POLN: variants seen among roughly 807,000 people sequenced by gnomAD.
POLN encodes the protein DNA polymerase N.
A neutral mutation model predicts 113.5 loss-of-function variants in POLN; 108 were observed. The observed-to-expected ratio is 0.95, with a 90% CI of 0.81 to 1.12. The LOEUF (loss-of-function observed/expected upper bound fraction) is 1.12, where lower values mean the gene tolerates loss of function less well. POLN is among the 50% of genes most tolerant of loss of function. The pLI is 0.00. For missense variants in POLN, 1,097 were observed against 1,077.1 expected, an observed-to-expected ratio of 1.02 and a Z score of -0.26; for synonymous variants, 386 against 391.5, an observed-to-expected ratio of 0.99 and a Z score of 0.17.
At chr4:2,077,537 G>A (rs2108687471) in intron 23 of POLN, among the ~76,000 whole-genome samples, 1 of 152,380 alleles carries the variant, frequency 6.6e-6, no homozygotes, top group Non-Finnish European at 1.5e-5. Flanking sequence ...GGGCGACAGA[G>A]CCCCAGGCTG....
At chr4:2,240,173 T>G (rs1336625648) in intron 2 of POLN, 2 of 1,613,948 alleles carry the variant, frequency 1.2e-6, no homozygotes, top group Non-Finnish European at 1.7e-6. Flanking sequence ...TCTCTAGTCG[T>G]CTCTCCTCAA....
intron 19 of POLN, among the ~76,000 whole-genome samples, chr4:2,121,392 G>A (rs1028284682): frequency 4.7e-5 from 7 of 148,456 alleles, no homozygotes; most frequent in Admixed American, 2.7e-4. Context: ...CCAAGATTGC[G>A]CCACTACACT....
intron 19 of POLN, among the ~76,000 whole-genome samples, chr4:2,123,058 T>A (rs1731487251): frequency 6.6e-6 from 1 of 152,040 alleles, no homozygotes; most frequent in South Asian, 2.1e-4. Context: ...CTCAGGAGGC[T>A]GAGGCAGGAG....
rs1258365866 is a variant in POLN, at chr4:2,084,513, G to A, written c.2197+1100C>T. Among the ~76,000 whole-genome samples the A allele has an allele frequency of 8.5e-5, 13 of 152,324 alleles. 1 individual carries two copies. The South Asian group carries it at 2.1e-3, about 24-fold the overall frequency. ...GGAGCAAGCGGCTTGTGTCTCAGGC[G>A]CTGTGGAGGCTCCCCTTCCGGGCTA... On this transcript the variant is annotated intron_variant, in intron 21 of 25. Transcript: ENST00000511885.
chr4:2,091,800 T>TGTGTGTGTGTGTGTGCGC (rs577896956), intron 20 of POLN, among the ~76,000 whole-genome samples: 3 of 144,848 alleles, frequency 2.1e-5, no homozygotes, highest in African/African-American at 7.6e-5. Context: ...TGTGTGTGTG[T>TGTGTGTGTGTGTGTGCGC]GCGCGCGCTA....
intron 19 of POLN, among the ~76,000 whole-genome samples, chr4:2,123,488 G>A (rs1731497992): frequency 6.6e-6 from 1 of 151,684 alleles, no homozygotes; most frequent in Non-Finnish European, 1.5e-5. Flanking sequence ...TAGCTGGGTG[G>A]TAGTGGCGCA....
intron 3 of POLN, among the ~76,000 whole-genome samples, chr4:2,214,772 C>A (rs907404306): frequency 6.6e-6 from 1 of 151,946 alleles, no homozygotes; most frequent in African/African-American, 2.4e-5. Flanking sequence ...TCAAGATGGG[C>A]CTCTGGGAAT....
chr4:2,173,957 C>G lies in POLN; in HGVS notation c.1372G>C (p.Gly458Arg). ...EEMEKTSALLGARLKELEQEA... is the reference protein window; with the variant it reads ...EEMEKTSALLRARLKELEQEA... Reference sequence around the variant, plus strand: ...AACCATCTGGAATAATAACTTACCCCAAGAAGTGCTGACGTCTTCTCCATC... The same window carrying G: ...AACCATCTGGAATAATAACTTACCCGAAGAAGTGCTGACGTCTTCTCCATC... The change falls in exon 11 of 26, where the codon GGG becomes CGG. Residue 458 changes from glycine to arginine, a missense_variant and splice_region_variant. Physicochemically the swap from Gly to Arg is moderately radical, Grantham distance 125 (BLOSUM62 -2). Transcript: ENST00000511885. 1 of 1,614,042 alleles carries G rather than the reference C, an allele frequency of 6.2e-7. No homozygotes were observed. Among genetic ancestry groups the G allele is most frequent in the Non-Finnish European group, 8.5e-7 (1 of 1,179,892 alleles).
intron 16 of POLN, among the ~76,000 whole-genome samples, chr4:2,141,894 C>T (rs1290345928): frequency 6.6e-6 from 1 of 152,208 alleles, no homozygotes; most frequent in Non-Finnish European, 1.5e-5. Flanking sequence ...TCTGGCTTTC[C>T]ACCCACGCTC....
chr4:2,078,826 G>C (rs1730337548), intron 23 of POLN: 1 of 985,482 alleles, frequency 1.0e-6, no homozygotes, highest in Non-Finnish European at 1.2e-6. Flanking sequence ...CTGAGTAAAA[G>C]TGTCTGTGTC....
At chr4:2,072,437 A>C in intron 25 of POLN, 138 bp from the exon 26 acceptor site, 1 of 711,822 alleles carries the variant, frequency 1.4e-6, no homozygotes, top group African/African-American at 1.8e-5. Context: ...CCACACGCAC[A>C]CATGTGCATA....
chr4:2,142,236 T>A lies in POLN; in HGVS notation c.1732-10946A>T, dbSNP rs186017125. On this transcript the variant is annotated intron_variant, in intron 16 of 25. Transcript: ENST00000511885. ...GCTGTGCCCTTTCACAAGTTCTAGT[T>A]GAAAGCCAGAGCTGAACACTGATTC... 1.8e-3 allele frequency among the ~76,000 whole-genome samples: 277 copies of A among 152,328 alleles called. 1 individual carries two copies. The highest frequency in any genetic ancestry group is 3.0e-3 in the Non-Finnish European group (205 of 68,034).
At chr4:2,101,897 A>T (rs188423685) in intron 19 of POLN, among the ~76,000 whole-genome samples, 116 of 152,304 alleles carry the variant, frequency 7.6e-4, no homozygotes, top group African/African-American at 2.7e-3. Flanking sequence ...AGGGGCTCTT[A>T]TGCCCCAGGG....
Position 2,170,880 on chromosome 4 carries a change from C to A in POLN, c.1459-106G>T. On this transcript the variant is annotated intron_variant, in intron 12 of 25. Coordinates refer to ENST00000511885, the MANE Select transcript of POLN (RefSeq NM_181808.4). ...AACAGCCAGAGAAGACACACCCAAA[C>A]AGACATTACAACATGCTTAAATTCT... 10 of 1,047,972 alleles carry A rather than the reference C, an allele frequency of 9.5e-6. No individual in the cohort carries two copies. The South Asian group carries it at 1.1e-4, about 12-fold the overall frequency. 64.9% of individuals were successfully genotyped at this position (1,047,972 alleles called of 1,614,324 possible).
rs115745791 is a variant in POLN at position 2,077,871 on chromosome 4, G to C, written c.2388-2352C>G. On this transcript the variant is annotated intron_variant, in intron 23 of 25. Transcript: ENST00000511885. ...GACGTCTGTCGTCTCCGTGTGGGGTGGATGAATGCAGGGCCTTGGATCCTG... is the reference window on the plus strand; with the variant it reads ...GACGTCTGTCGTCTCCGTGTGGGGTCGATGAATGCAGGGCCTTGGATCCTG... Among the ~76,000 whole-genome samples, 910 of 152,294 alleles carry C rather than the reference G, an allele frequency of 6.0e-3. 13 individuals carry two copies. Among genetic ancestry groups the C allele is most frequent in the African/African-American group, 0.02 (850 of 41,548 alleles).
At position 2,075,567 on chromosome 4, in the gene POLN, G is replaced by A. The variant is rs200705483; in HGVS notation, c.2388-48C>T. On this transcript the variant is annotated intron_variant, in intron 23 of 25. Coordinates refer to ENST00000511885, the MANE Select transcript of POLN (RefSeq NM_181808.4). The stretch of plus-strand genomic sequence containing the variant: ...CCCTGGGAGGCCAGGACTGTGGGGC[G>A]TGGGCCACCAGCCTGGCAGGGAGGG... 1.3e-4 allele frequency: 199 copies of A among 1,588,944 alleles called. 1 individual carries two copies. In the African/African-American group the frequency reaches 2.4e-3, roughly 19 times the overall value.
In POLN at chr4:2,163,463, G is replaced by A. The variant is rs116372727; in HGVS notation, c.1555-4252C>T. ...CACTGAGTGCTGGCTGAGGGCCAGAGGTGGAGCGCCATCAGCCACCATGGC... is the reference window on the plus strand; with the variant it reads ...CACTGAGTGCTGGCTGAGGGCCAGAAGTGGAGCGCCATCAGCCACCATGGC... On this transcript the variant is annotated intron_variant, in intron 13 of 25. Coordinates refer to ENST00000511885, the MANE Select transcript of POLN (RefSeq NM_181808.4). 4.1e-3 allele frequency among the ~76,000 whole-genome samples: 623 copies of A among 152,368 alleles called. 7 individuals carry two copies. The highest frequency in any genetic ancestry group is 0.014 in the African/African-American group (592 of 41,586).
chr4:2,166,820 C>T (rs1429818931), intron 13 of POLN, among the ~76,000 whole-genome samples: 1 of 152,140 alleles, frequency 6.6e-6, no homozygotes, highest in African/African-American at 2.4e-5. Flanking sequence ...CAGGCTTGGA[C>T]TGAGCCACAC....
chr4:2,196,728 T>C (rs1336498133), intron 6 of POLN, among the ~76,000 whole-genome samples: 1 of 152,078 alleles, frequency 6.6e-6, no homozygotes. Context: ...CTCTCCCCCT[T>C]CCCCAGGAAA....
Sources: gnomAD v4.1 joint callset for allele counts (sites outside exome capture counted in the v4.1 genomes callset) on GRCh38, gnomAD v4.1.1 for gene constraint, MANE v1.5 for transcripts, NCBI Gene and HGNC (gene_info 2026-07-23, HGNC 2026-07-21) for gene names.